CACNB2: variants seen among roughly 807,000 people sequenced by gnomAD.
CACNB2 encodes voltage-dependent L-type calcium channel subunit beta-2.
In CACNB2, 42 loss-of-function variants were observed where a neutral mutation model predicts 73.3. The ratio of observed to expected loss-of-function variants is 0.57; its 90% CI spans 0.45 to 0.74. The LOEUF (loss-of-function observed/expected upper bound fraction) is 0.74. Ranked by LOEUF, CACNB2 falls within the 30% of genes least tolerant of loss-of-function variation. The probability of loss-of-function intolerance (pLI) is 0.00; values close to 1 mark genes in which losing one functional copy is unlikely to be tolerated. For missense variants in CACNB2, 940 were observed against 853.0 expected, an observed-to-expected ratio of 1.10 and a Z score of -1.27; for synonymous variants, 348 against 310.3, an observed-to-expected ratio of 1.12 and a Z score of -1.28.
At chr10:18,382,791 G>A (rs547239756) in intron 2 of CACNB2, among the ~76,000 whole-genome samples, 1 of 152,174 alleles carries the variant, frequency 6.6e-6, no homozygotes, top group East Asian at 1.9e-4. Flanking sequence ...GTCCATCATT[G>A]ATGGACATTT....
chr10:18,292,314 T>G (rs189205093), intron 2 of CACNB2, among the ~76,000 whole-genome samples: 2 of 152,354 alleles, frequency 1.3e-5, no homozygotes, highest in East Asian at 1.9e-4. Context: ...GTTTAACATT[T>G]CAGTAATAAC....
chr10:18,193,570 G>T (rs895467336), intron 2 of CACNB2, among the ~76,000 whole-genome samples: 1 of 152,134 alleles, frequency 6.6e-6, no homozygotes, highest in African/African-American at 2.4e-5. Context: ...CTCCCTTCTG[G>T]AACCCAAGGC....
At chr10:18,469,288 TG>T (rs1276375123) in intron 3 of CACNB2, among the ~76,000 whole-genome samples, 1 of 152,158 alleles carries the variant, frequency 6.6e-6, no homozygotes, top group Non-Finnish European at 1.5e-5. Flanking sequence ...ATATCACCCT[TG>T]GGGGTTCAAG....
At chr10:18,420,611 A>AG (rs2045267104) in intron 3 of CACNB2, among the ~76,000 whole-genome samples, 1 of 152,210 alleles carries the variant, frequency 6.6e-6, no homozygotes, top group East Asian at 1.9e-4. Context: ...ACATTGGAGA[A>AG]GGCAGTCAAC....
rs1428169438 is a variant in CACNB2 at position 18,500,967 on chromosome 10, G to T, written c.593+19G>T. 3 of 1,612,390 alleles carry T rather than the reference G, an allele frequency of 1.9e-6. No individual in the cohort carries two copies. The Admixed American group carries it at 5.0e-5, about 27-fold the overall frequency. On this transcript the variant is annotated intron_variant, in intron 5 of 13. Transcript: ENST00000324631. ...ACTCCAGGTATGAGACAGATGTCAA[G>T]TGTTTGCATAAAACTTAGATTATAC...
intron 2 of CACNB2, among the ~76,000 whole-genome samples, chr10:18,389,026 A>T (rs1013096055): frequency 1.3e-5 from 2 of 152,256 alleles, no homozygotes; most frequent in East Asian, 3.8e-4. Flanking sequence ...AGAAATTTCA[A>T]TTGCAATAGG....
chr10:18,164,630 A>G (rs2032713467), intron 2 of CACNB2, among the ~76,000 whole-genome samples: 1 of 151,850 alleles, frequency 6.6e-6, no homozygotes. Flanking sequence ...GCTGTGATCT[A>G]TAAGGCAAAC....
chr10:18,510,247 T>C (rs1390789075), intron 6 of CACNB2, among the ~76,000 whole-genome samples: 1 of 152,230 alleles, frequency 6.6e-6, no homozygotes, highest in Non-Finnish European at 1.5e-5. Context: ...TCAGGCTATG[T>C]GTGTGGAAAG....
intron 2 of CACNB2, among the ~76,000 whole-genome samples, chr10:18,265,971 C>G (rs1297833416): frequency 6.6e-6 from 1 of 152,120 alleles, no homozygotes; most frequent in Non-Finnish European, 1.5e-5. Flanking sequence ...TTAGTAATCT[C>G]TTATAAGATC....
At chr10:18,183,166 A>C (rs12252650) in intron 2 of CACNB2, among the ~76,000 whole-genome samples, 7,641 of 152,080 alleles carry the variant, frequency 0.05, 628 homozygotes, top group African/African-American at 0.17. Flanking sequence ...TCCCAGTATC[A>C]ACCCACACAC....
chr10:18,147,623 C>T lies in CACNB2; in HGVS notation c.121-3260C>T, dbSNP rs924140797. ...TTAACTGTTTCAGATATTGGGCGTT[C>T]ATATATTTTAATGCTGGTAAAAAAT... On this transcript the variant is annotated intron_variant, in intron 1 of 13. Coordinates refer to ENST00000324631, the MANE Select transcript of CACNB2 (RefSeq NM_201596.3). 9.2e-5 allele frequency among the ~76,000 whole-genome samples: 14 copies of T among 152,274 alleles called. 1 individual carries two copies. The South Asian group carries it at 2.3e-3, about 25-fold the overall frequency.
intron 2 of CACNB2, among the ~76,000 whole-genome samples, chr10:18,280,905 T>C (rs2038517012): frequency 6.6e-6 from 1 of 152,182 alleles, no homozygotes; most frequent in South Asian, 2.1e-4. Context: ...TTTACTATAC[T>C]ACATGCTTTG....
intron 2 of CACNB2, among the ~76,000 whole-genome samples, chr10:18,384,561 C>A (rs2043145740): frequency 6.6e-6 from 1 of 151,462 alleles, no homozygotes. Context: ...CCCTGTCTCT[C>A]CAAAAAAAGA....
At chr10:18,323,024 A>G (rs1257183785) in intron 2 of CACNB2, among the ~76,000 whole-genome samples, 1 of 140,828 alleles carries the variant, frequency 7.1e-6, no homozygotes, top group Non-Finnish European at 1.5e-5. Flanking sequence ...GTACAGTGGC[A>G]TGATCATGGC....
rs530266140 is a variant in CACNB2 at position 18,401,571 on chromosome 10, G to C, written c.214-353G>C. 5.9e-5 allele frequency among the ~76,000 whole-genome samples: 9 copies of C among 152,152 alleles called. No individual in the cohort carries two copies. In the South Asian group the frequency reaches 1.9e-3, roughly 31 times the overall value. ...CTCCTAGTTTCAAATACCTGCTTTA[G>C]CATGTAGATTGTTCTTGAAGCTATC... On this transcript the variant is annotated intron_variant, in intron 2 of 13. Coordinates refer to ENST00000324631, the MANE Select transcript of CACNB2 (RefSeq NM_201596.3).
intron 6 of CACNB2, among the ~76,000 whole-genome samples, chr10:18,511,804 G>A (rs537896900): frequency 9.2e-5 from 14 of 152,276 alleles, no homozygotes; most frequent in South Asian, 6.2e-4. Flanking sequence ...AAGGGACTTC[G>A]CCTGGATGGG....
chr10:18,230,095 T>G (rs747426615), intron 2 of CACNB2, among the ~76,000 whole-genome samples: 1 of 152,202 alleles, frequency 6.6e-6, no homozygotes, highest in Non-Finnish European at 1.5e-5. Context: ...GCATCATCTG[T>G]ACCTAACATA....
intron 2 of CACNB2, among the ~76,000 whole-genome samples, chr10:18,313,959 G>C (rs769042687): frequency 3.3e-5 from 5 of 152,206 alleles, no homozygotes; most frequent in Non-Finnish European, 7.3e-5. Context: ...GTAGACTTTA[G>C]AAGAAAGAAA....
At chr10:18,381,445 C>T (rs1447660639) in intron 2 of CACNB2, among the ~76,000 whole-genome samples, 2 of 152,040 alleles carry the variant, frequency 1.3e-5, no homozygotes, top group African/African-American at 2.4e-5. Context: ...AACCCCAAAA[C>T]TTTGGGAGGC....
Sources: gnomAD v4.1 joint callset for allele counts (sites outside exome capture counted in the v4.1 genomes callset) on GRCh38, gnomAD v4.1.1 for gene constraint, MANE v1.5 for transcripts, NCBI Gene and HGNC (gene_info 2026-07-23, HGNC 2026-07-21) for gene names.